Variants in RELL1 observed in about 807,000 individuals in gnomAD.
RELL1 encodes RELT-like protein 1.
In RELL1, 10 loss-of-function variants were observed where a neutral mutation model predicts 23.0. The ratio of observed to expected loss-of-function variants is 0.43; its 90% CI spans 0.27 to 0.74. RELL1 has a LOEUF of 0.74. Ranked by LOEUF, RELL1 falls within the 30% of genes least tolerant of loss-of-function variation. RELL1 has a pLI of 0.19. For missense variants in RELL1, 315 were observed against 364.4 expected (o/e 0.86, Z 1.10); for synonymous variants, 146 against 146.8 (o/e 0.99, Z 0.04).
At position 37,681,525 on chromosome 4, in the gene RELL1, T is replaced by G. The variant is rs981896768; in HGVS notation, c.88+4675A>C. Among the ~76,000 whole-genome samples the G allele has an allele frequency of 8.1e-4, 110 of 135,696 alleles. 1 individual carries two copies. Among genetic ancestry groups the G allele is most frequent in the Admixed American group, 3.2e-3 (43 of 13,512 alleles). The allele number at this position is 135,696 out of a possible 152,430, so 89.0% of individuals were successfully genotyped here. On this transcript the variant is annotated intron_variant, in intron 1 of 6. Coordinates refer to ENST00000454158, the MANE Select transcript of RELL1 (RefSeq NM_001085400.2). ...GCATCAGGGTCTCCTTCTGTTTTTT[T>G]TTTTTTTTTTTTTTTTTTTTTGAGA...
chr4:37,664,433 G>T (rs139940301), intron 1 of RELL1, among the ~76,000 whole-genome samples: 55 of 151,548 alleles, frequency 3.6e-4, no homozygotes, highest in East Asian at 3.1e-3. Context: ...CTATCATAAA[G>T]GTAAAAGTAA....
chr4:37,634,832 A>G, intron 5 of RELL1, 55 bp downstream of exon 5: 2 of 1,438,602 alleles, frequency 1.4e-6, no homozygotes, highest in Non-Finnish European at 2.0e-6. Flanking sequence ...GCAGAAGTCC[A>G]CACACCAGAG....
At chr4:37,605,655 C>T (rs1302936193), downstream of RELL1, among the ~76,000 whole-genome samples, 1 of 151,324 alleles carries the variant, frequency 6.6e-6, no homozygotes, top group Non-Finnish European at 1.5e-5. Context: ...GGCAGAAGAA[C>T]CACTTGAGCC....
chr4:37,590,806 C>G (rs1238020862), exon 7 of RELL1: 11 of 1,614,146 alleles, frequency 6.8e-6, no homozygotes, highest in Non-Finnish European at 9.3e-6. Flanking sequence ...AACAGAAGTT[C>G]TAAGCATCTG....
intron 6 of RELL1, among the ~76,000 whole-genome samples, chr4:37,592,580 A>G (rs1006953092): frequency 1.3e-5 from 2 of 152,228 alleles, no homozygotes; most frequent in African/African-American, 4.8e-5. Context: ...ATTTAAAGGC[A>G]TTAAGGATGC....
At chr4:37,606,253 G>C (rs1034454768), downstream of RELL1, among the ~76,000 whole-genome samples, 3 of 152,108 alleles carry the variant, frequency 2.0e-5, no homozygotes, top group African/African-American at 7.2e-5. This position sits in a 1 kb window ranked among gnomAD's most constrained non-coding sequence, Gnocchi z 4.1. Flanking sequence ...AAGAAAGAAA[G>C]AGTGTGTAAT....
At chr4:37,639,219 C>A (rs1486797862) in intron 3 of RELL1, among the ~76,000 whole-genome samples, 1 of 151,762 alleles carries the variant, frequency 6.6e-6, no homozygotes, top group Admixed American at 6.6e-5. Flanking sequence ...CCCATCTGTA[C>A]TAAAAATACA....
intron 1 of RELL1, among the ~76,000 whole-genome samples, chr4:37,671,742 T>C (rs775272157): frequency 1.3e-4 from 19 of 145,760 alleles, no homozygotes; most frequent in Admixed American, 3.5e-4. Flanking sequence ...TGGAATAGCC[T>C]GTGGAATAGC....
chr4:37,648,896 T>C (rs920529404), intron 2 of RELL1, among the ~76,000 whole-genome samples: 5 of 152,230 alleles, frequency 3.3e-5, no homozygotes, highest in African/African-American at 1.2e-4. Flanking sequence ...ACCAAATGCA[T>C]CTTTCCTCTA....
At chr4:37,638,529 G>A in intron 3 of RELL1, 25 bp from the exon 4 acceptor site, 2 of 1,552,164 alleles carry the variant, frequency 1.3e-6, no homozygotes, top group Non-Finnish European at 1.8e-6. Context: ...TAAAATTAAA[G>A]AATTAAAATA....
chr4:37,664,360 G>A (rs1295679436), intron 1 of RELL1, among the ~76,000 whole-genome samples: 11 of 143,310 alleles, frequency 7.7e-5, no homozygotes, highest in East Asian at 2.0e-4. Context: ...GTGACAGAGT[G>A]AGACTCCATC....
chr4:37,670,989 A>T (rs1721816328), intron 1 of RELL1, among the ~76,000 whole-genome samples: 1 of 152,338 alleles, frequency 6.6e-6, no homozygotes, highest in African/African-American at 2.4e-5. Context: ...GGTTTTTCCC[A>T]ATAGGAAAGA....
intron 3 of RELL1, among the ~76,000 whole-genome samples, chr4:37,640,181 C>T (rs963442956): frequency 6.6e-6 from 1 of 152,130 alleles, no homozygotes; most frequent in African/African-American, 2.4e-5. Context: ...AATATTAATA[C>T]AACACTTAAT....
chr4:37,607,574 CTTTTCTT>C (rs1479249888), downstream of RELL1, among the ~76,000 whole-genome samples: 1 of 111,182 alleles, frequency 9.0e-6, no homozygotes, highest in Non-Finnish European at 1.7e-5. Context: ...ACTTTTCTTT[CTTTTCTT>C]TTTTTTTTTT....
At chr4:37,607,330 C>T (rs1322666028), downstream of RELL1, among the ~76,000 whole-genome samples, 1 of 152,130 alleles carries the variant, frequency 6.6e-6, no homozygotes, top group Non-Finnish European at 1.5e-5. Context: ...AAGATGGTAA[C>T]ATACGGGGAA....
At chr4:37,604,858 C>CACACAT (rs1719132029) in intron 6 of RELL1, among the ~76,000 whole-genome samples, 1 of 109,602 alleles carries the variant, frequency 9.1e-6, no homozygotes, top group Non-Finnish European at 1.8e-5. Context: ...CACAGACACA[C>CACACAT]ACACACAGAC....
At chr4:37,674,815 G>T (rs781517596) in intron 1 of RELL1, among the ~76,000 whole-genome samples, 2 of 152,166 alleles carry the variant, frequency 1.3e-5, no homozygotes, top group Non-Finnish European at 2.9e-5. Context: ...TTACATCTAC[G>T]CATGGGGAAG....
chr4:37,657,400 AG>A (rs950599354), intron 1 of RELL1, among the ~76,000 whole-genome samples: 1 of 152,130 alleles, frequency 6.6e-6, no homozygotes, highest in African/African-American at 2.4e-5. Context: ...CTCAGGGTGA[AG>A]GGAAGAAATT....
chr4:37,672,178 C>T (rs939760074), intron 1 of RELL1, among the ~76,000 whole-genome samples: 1 of 152,130 alleles, frequency 6.6e-6, no homozygotes, highest in Non-Finnish European at 1.5e-5. Flanking sequence ...CAGCCCCTTT[C>T]CCTTCCCAGA....
Sources: gnomAD v4.1 joint callset for allele counts (sites outside exome capture counted in the v4.1 genomes callset) on GRCh38, gnomAD v4.1.1 for gene constraint, Gnocchi (gnomAD v3.1) non-coding constraint, MANE v1.5 for transcripts, NCBI Gene and HGNC (gene_info 2026-07-23, HGNC 2026-07-21) for gene names.